The following NEDD4L variants were observed in gnomAD, a reference collection of about 807,000 sequenced individuals.
The protein encoded by NEDD4L is E3 ubiquitin-protein ligase NEDD4-like.
A neutral mutation model predicts 148.9 loss-of-function variants in NEDD4L; 54 were observed. That is an observed-to-expected ratio of 0.36 (90% confidence interval 0.29 to 0.45). The LOEUF (loss-of-function observed/expected upper bound fraction) is 0.45. Among genes scored for constraint, NEDD4L ranks in the 20% least tolerant of loss-of-function variants. The probability of loss-of-function intolerance (pLI) is 1.00; values close to 1 mark genes in which losing one functional copy is unlikely to be tolerated. For missense variants in NEDD4L, 856 were observed against 1,233.8 expected (o/e 0.69, Z 4.59); for synonymous variants, 433 against 440.7 (o/e 0.98, Z 0.22).
chr18:58,343,227 G>A (rs775148720), intron 16 of NEDD4L, 124 bp downstream of exon 16: 1 of 807,378 alleles, frequency 1.2e-6, no homozygotes, highest in South Asian at 2.6e-5. Context: ...GTCTCCAGAG[G>A]GTCTCCTCAG....
At chr18:58,382,156 G>C (rs1387222095) in intron 24 of NEDD4L, among the ~76,000 whole-genome samples, 1 of 152,268 alleles carries the variant, frequency 6.6e-6, no homozygotes, top group African/African-American at 2.4e-5. Flanking sequence ...AGCCATCTCA[G>C]TGTGAATGGG....
At chr18:58,065,004 C>T (rs952487312) in intron 1 of NEDD4L, among the ~76,000 whole-genome samples, 12 of 152,162 alleles carry the variant, frequency 7.9e-5, no homozygotes, top group Non-Finnish European at 1.2e-4. Context: ...AGATGGCACA[C>T]GTATTTTGCT....
At chr18:58,378,435 G>A (rs191911057) in intron 24 of NEDD4L, among the ~76,000 whole-genome samples, 217 of 152,352 alleles carry the variant, frequency 1.4e-3, no homozygotes, top group African/African-American at 4.6e-3. Context: ...ATGTCCTGGC[G>A]GAAGCCAGGA....
At chr18:58,082,102 A>ATATATATATATATTTTTTT in intron 1 of NEDD4L, among the ~76,000 whole-genome samples, 2 of 48,856 alleles carry the variant, frequency 4.1e-5, no homozygotes, top group African/African-American at 2.5e-4. Flanking sequence ...ATATATATAT[A>ATATATATATATATTTTTTT]TTTTTTTTTT....
intron 15 of NEDD4L, among the ~76,000 whole-genome samples, chr18:58,342,253 T>C (rs960559092): frequency 1.3e-5 from 2 of 152,258 alleles, no homozygotes; most frequent in African/African-American, 2.4e-5. Flanking sequence ...CATATTTGCA[T>C]CTCTGCATCA....
chr18:58,186,351 G>A lies in NEDD4L; in HGVS notation c.122+20490G>A, dbSNP rs894477721. Among the ~76,000 whole-genome samples, 10 of 152,264 alleles carry A rather than the reference G, an allele frequency of 6.6e-5. No individual in the cohort carries two copies. In the East Asian group the frequency reaches 7.7e-4, roughly 12 times the overall value. On this transcript the variant is annotated intron_variant, in intron 2 of 30. Coordinates refer to ENST00000400345, the MANE Select transcript of NEDD4L (RefSeq NM_001144967.3). ...AGATGGTGGCTCCTGCAGAGCTTAC[G>A]GCCTGTATTTTATTGGGCTGTGTTG...
At chr18:58,220,853 AG>A (rs2043679989) in intron 2 of NEDD4L, among the ~76,000 whole-genome samples, 1 of 152,140 alleles carries the variant, frequency 6.6e-6, no homozygotes, top group Non-Finnish European at 1.5e-5. Context: ...CTGTAGAGTA[AG>A]GGTGGTCAGG....
intron 24 of NEDD4L, among the ~76,000 whole-genome samples, chr18:58,381,083 A>T (rs2146622005): frequency 6.6e-6 from 1 of 152,352 alleles, no homozygotes; most frequent in East Asian, 1.9e-4. Context: ...ATACAAATGT[A>T]TAATCTGGAA....
In NEDD4L at chr18:58,323,298, A is replaced by G; in HGVS notation, c.477A>G (p.Gln159=). The change falls in exon 8 of 31, where the codon CAA becomes CAG. Residue 159 remains glutamine, a synonymous_variant. Coordinates refer to ENST00000400345, the MANE Select transcript of NEDD4L (RefSeq NM_001144967.3). ...KMAYMPKNGG[Q]DEENSDQRDD... is the part of the protein sequence containing the mutation. ...CCTATATGCCAAAAAATGGAGGTCAAGATGAAGAAAACAGTGACCAGAGGG... is the reference window on the plus strand; with the variant it reads ...CCTATATGCCAAAAAATGGAGGTCAGGATGAAGAAAACAGTGACCAGAGGG... 6.2e-7 allele frequency: 1 copy of G among 1,600,778 alleles called. No individual in the cohort carries two copies. The highest frequency in any genetic ancestry group is 8.5e-7 in the Non-Finnish European group (1 of 1,172,998).
At chr18:58,249,756 C>G (rs2148476205) in intron 4 of NEDD4L, among the ~76,000 whole-genome samples, 1 of 152,316 alleles carries the variant, frequency 6.6e-6, no homozygotes, top group South Asian at 2.1e-4. Flanking sequence ...GTCCTGATTT[C>G]TTCCTCTCAA....
At chr18:58,379,177 C>T (rs764570065) in intron 24 of NEDD4L, among the ~76,000 whole-genome samples, 8 of 152,184 alleles carry the variant, frequency 5.3e-5, no homozygotes, top group Non-Finnish European at 7.4e-5. Flanking sequence ...GCAGACTGCT[C>T]ACCAGGGAGC....
chr18:58,207,581 C>T (rs760633178), intron 2 of NEDD4L, among the ~76,000 whole-genome samples: 53 of 152,224 alleles, frequency 3.5e-4, no homozygotes, highest in Non-Finnish European at 5.7e-4. Context: ...ACTTGATAGC[C>T]GAGGGTCCCT....
At chr18:58,058,283 C>T (rs896436957) in intron 1 of NEDD4L, among the ~76,000 whole-genome samples, 17 of 152,090 alleles carry the variant, frequency 1.1e-4, no homozygotes, top group Admixed American at 3.3e-4. Context: ...TCTAGCCTGG[C>T]GACAGAGCGA....
intron 20 of NEDD4L, among the ~76,000 whole-genome samples, chr18:58,365,344 T>C (rs925962649): frequency 1.8e-4 from 28 of 152,214 alleles, no homozygotes; most frequent in Non-Finnish European, 4.0e-4. Flanking sequence ...CACATAGCAG[T>C]GTCTGCTACC....
chr18:58,221,812 T>C (rs1443319320), intron 2 of NEDD4L: 2 of 728,526 alleles, frequency 2.7e-6, no homozygotes, highest in African/African-American at 3.8e-5. Context: ...ACATCTGTTC[T>C]TGGTGTGAGT....
At chr18:58,196,880 T>G (rs971405414) in intron 2 of NEDD4L, among the ~76,000 whole-genome samples, 2 of 152,250 alleles carry the variant, frequency 1.3e-5, no homozygotes, top group East Asian at 3.9e-4. Context: ...TCAGGCTGCC[T>G]TAGACAAAGG....
chr18:58,073,733 TAG>T (rs1231167288), intron 1 of NEDD4L, among the ~76,000 whole-genome samples: 2 of 152,184 alleles, frequency 1.3e-5, no homozygotes, highest in Non-Finnish European at 2.9e-5. Flanking sequence ...GTAGTGGGTA[TAG>T]AGTTTCCTTT....
At chr18:58,199,858 T>C (rs188391845) in intron 2 of NEDD4L, among the ~76,000 whole-genome samples, 71 of 152,290 alleles carry the variant, frequency 4.7e-4, no homozygotes, top group African/African-American at 1.5e-3. Context: ...GGAAATAAAG[T>C]GTGGAATTTT....
chr18:58,080,636 A>G (rs2083380233), intron 1 of NEDD4L, among the ~76,000 whole-genome samples: 1 of 152,204 alleles, frequency 6.6e-6, no homozygotes, highest in African/African-American at 2.4e-5. Flanking sequence ...CTTATTAGGG[A>G]CAGATGCCCT....
Sources: gnomAD v4.1 joint callset for allele counts (sites outside exome capture counted in the v4.1 genomes callset) on GRCh38, gnomAD v4.1.1 for gene constraint, MANE v1.5 for transcripts, NCBI Gene and HGNC (gene_info 2026-07-23, HGNC 2026-07-21) for gene names.